OLA1: variants seen among roughly 807,000 people sequenced by gnomAD.
The protein encoded by OLA1 is Obg like ATPase 1.
Under a neutral mutation model 48.4 loss-of-function variants are expected in OLA1, and 14 were observed. The ratio of observed to expected loss-of-function variants is 0.29; its 90% CI spans 0.19 to 0.45. The LOEUF is 0.45. Among genes scored for constraint, OLA1 ranks in the 20% least tolerant of loss-of-function variants. The pLI, the probability that OLA1 is intolerant of heterozygous loss-of-function variation, is 1.00. For missense variants in OLA1, 325 were observed against 467.1 expected (o/e 0.70, Z 2.80); for synonymous variants, 127 against 150.4 (o/e 0.84, Z 1.14).
intron 4 of OLA1, among the ~76,000 whole-genome samples, chr2:174,152,583 C>T (rs1257831502): frequency 1.3e-5 from 2 of 152,056 alleles, no homozygotes; most frequent in Non-Finnish European, 2.9e-5. Context: ...CGTTTCTAGC[C>T]TTCAGAGTTT....
chr2:174,107,404 GACTT>G (rs1397077076), intron 7 of OLA1, among the ~76,000 whole-genome samples: 2 of 152,052 alleles, frequency 1.3e-5, no homozygotes, highest in African/African-American at 4.8e-5. Context: ...CCCACAGTGG[GACTT>G]ACAGTTCAAT....
chr2:174,090,298 T>C (rs894681091), intron 7 of OLA1, among the ~76,000 whole-genome samples: 8 of 152,182 alleles, frequency 5.3e-5, no homozygotes, highest in South Asian at 2.1e-4. Context: ...TACCACAAAA[T>C]TGAAATGACG....
At chr2:174,144,951 A>AAAAATATATATATATAT (rs1181030817) in intron 4 of OLA1, among the ~76,000 whole-genome samples, 1 of 40,296 alleles carries the variant, frequency 2.5e-5, no homozygotes, top group Non-Finnish European at 4.0e-5. Context: ...AAAAAAAAAA[A>AAAAATATATATATATAT]ATATATATAT....
chr2:174,192,109 G>C (rs928649409), intron 4 of OLA1, among the ~76,000 whole-genome samples: 1 of 151,770 alleles, frequency 6.6e-6, no homozygotes. Context: ...CTCTTCTATA[G>C]ATTTATTATT....
In OLA1 at chr2:174,243,548, G is replaced by A. The variant is rs58462490; in HGVS notation, c.101+3167C>T. 7.2e-3 allele frequency among the ~76,000 whole-genome samples: 1,100 copies of A among 152,116 alleles called. 11 individuals carry two copies. The highest frequency in any genetic ancestry group is 0.025 in the African/African-American group (1,035 of 41,482). The stretch of plus-strand genomic sequence containing the variant: ...TATGTTCCTAACACCATCGTGTCCC[G>A]TTAACAAATAATTACTAAATATCTA... On this transcript the variant is annotated intron_variant, in intron 2 of 10. Coordinates refer to ENST00000284719, the MANE Select transcript of OLA1 (RefSeq NM_013341.5).
At chr2:174,190,507 T>C (rs1687749489) in intron 4 of OLA1, among the ~76,000 whole-genome samples, 1 of 151,764 alleles carries the variant, frequency 6.6e-6, no homozygotes, top group Admixed American at 6.6e-5. Flanking sequence ...AAATATTGGG[T>C]TATTTGAAAT....
chr2:174,089,192 C>T (rs1352921309), intron 7 of OLA1, among the ~76,000 whole-genome samples: 1 of 151,914 alleles, frequency 6.6e-6, no homozygotes, highest in African/African-American at 2.4e-5. Context: ...GAGACCTCAT[C>T]AAAAAGAAAA....
At chr2:174,220,169 G>C (rs16862479) in intron 4 of OLA1, among the ~76,000 whole-genome samples, 1 of 151,978 alleles carries the variant, frequency 6.6e-6, no homozygotes, top group Non-Finnish European at 1.5e-5. Flanking sequence ...TAAGCCATTT[G>C]AGATGGATAT....
intron 1 of OLA1, chr2:174,247,952 G>C: frequency 5.3e-6 from 4 of 749,756 alleles, no homozygotes; most frequent in Non-Finnish European, 8.3e-6. Flanking sequence ...AACTGTCCCA[G>C]TCTTCTGGCT....
chr2:174,205,444 T>C (rs1688090689), intron 4 of OLA1, among the ~76,000 whole-genome samples: 1 of 152,228 alleles, frequency 6.6e-6, no homozygotes, highest in Non-Finnish European at 1.5e-5. Flanking sequence ...CCCTAGTTTT[T>C]GATTCTACTC....
chr2:174,079,221 T>C (rs1684811312), intron 9 of OLA1, 131 bp from the exon 10 acceptor site: 4 of 646,610 alleles, frequency 6.2e-6, no homozygotes, highest in African/African-American at 1.9e-5. Flanking sequence ...ATGTCAGGTA[T>C]ATAATTAGTA....
chr2:174,159,506 T>C (rs1226939087), intron 4 of OLA1, among the ~76,000 whole-genome samples: 3 of 152,164 alleles, frequency 2.0e-5, no homozygotes, highest in Non-Finnish European at 1.5e-5. Flanking sequence ...GTTACATGTG[T>C]ACAAAAAAAC....
chr2:174,073,304 A>G lies in OLA1; in HGVS notation c.*2122T>C, dbSNP rs1393389932. ...GTGTGAGCCTCCACGCCTGGCCTCA[A>G]ATCTCTTTTAACCATAAATTTGATT... On this transcript the variant is annotated 3_prime_UTR_variant, in exon 11 of 11. Coordinates refer to ENST00000284719, the MANE Select transcript of OLA1 (RefSeq NM_013341.5). The G allele has an allele frequency of 5.9e-5, 9 of 152,108 alleles. No individual in the cohort carries two copies. The highest frequency in any genetic ancestry group is 3.9e-4 in the Admixed American group (6 of 15,266). 9.4% of individuals were successfully genotyped at this position (152,108 alleles called of 1,614,324 possible).
At chr2:174,108,307 T>C (rs1685561564) in intron 7 of OLA1, among the ~76,000 whole-genome samples, 1 of 152,114 alleles carries the variant, frequency 6.6e-6, no homozygotes, top group Admixed American at 6.6e-5. Context: ...CAAGCAATAT[T>C]TTCCAACAGA....
chr2:174,191,543 C>T (rs957763794), intron 4 of OLA1, among the ~76,000 whole-genome samples: 1 of 151,974 alleles, frequency 6.6e-6, no homozygotes, highest in African/African-American at 2.4e-5. Context: ...CAGCCTTGAA[C>T]TACTGGGCTG....
chr2:174,152,887 A>G (rs1235479378), intron 4 of OLA1, among the ~76,000 whole-genome samples: 1 of 152,210 alleles, frequency 6.6e-6, no homozygotes, highest in East Asian at 1.9e-4. Context: ...GTGCTAGTCT[A>G]ATTGTTTAAT....
chr2:174,161,709 CACACACATAG>C (rs1306303209), intron 4 of OLA1, among the ~76,000 whole-genome samples: 5 of 149,972 alleles, frequency 3.3e-5, no homozygotes, highest in South Asian at 2.1e-4. Context: ...CACACACACA[CACACACATAG>C]ATAGATAGAC....
intron 6 of OLA1, 99 bp downstream of exon 6, chr2:174,123,496 T>G (rs1685968562): frequency 2.7e-6 from 2 of 744,584 alleles, no homozygotes; most frequent in African/African-American, 1.8e-5. Flanking sequence ...AAATAAAAAT[T>G]TAGATATAAT....
intron 7 of OLA1, among the ~76,000 whole-genome samples, chr2:174,121,446 C>T (rs747750137): frequency 1.1e-4 from 16 of 152,200 alleles, no homozygotes; most frequent in Admixed American, 2.0e-4. Context: ...TCTGGAACAT[C>T]ATTCAGTTAC....
Sources: allele counts gnomAD v4.1 joint callset (sites outside exome capture counted in the v4.1 genomes callset), GRCh38; gene constraint gnomAD v4.1.1; transcripts MANE v1.5; gene names NCBI Gene and HGNC (gene_info 2026-07-23, HGNC 2026-07-21).